The following SPAG16 variants were observed in gnomAD, a reference collection of about 807,000 sequenced individuals.
The protein encoded by SPAG16 is sperm-associated antigen 16 protein.
A neutral mutation model predicts 80.4 loss-of-function variants in SPAG16; 86 were observed. That is an observed-to-expected ratio of 1.07 (90% CI 0.90 to 1.28). The LOEUF (loss-of-function observed/expected upper bound fraction) is 1.28, where lower values mean the gene tolerates loss of function less well. SPAG16 is among the 50% of genes most tolerant of loss of function. SPAG16 has a pLI of 0.00. For synonymous variants in SPAG16, 294 were observed against 265.9 expected, an observed-to-expected ratio of 1.11 and a Z score of -1.03; for missense variants, 870 against 765.3, an observed-to-expected ratio of 1.14 and a Z score of -1.61.
At chr2:213,895,947 A>G (rs2076976451) in intron 11 of SPAG16, among the ~76,000 whole-genome samples, 1 of 152,124 alleles carries the variant, frequency 6.6e-6, no homozygotes, top group Non-Finnish European at 1.5e-5. Context: ...TGAAAAGAAA[A>G]ACCAGGATTA....
At chr2:213,372,025 A>C (rs2066667904) in intron 8 of SPAG16, among the ~76,000 whole-genome samples, 1 of 152,140 alleles carries the variant, frequency 6.6e-6, no homozygotes, top group Admixed American at 6.5e-5. Context: ...TTAAACTGAA[A>C]ATTACAGATT....
At chr2:213,507,073 T>G (rs1157797585) in intron 10 of SPAG16, among the ~76,000 whole-genome samples, 4 of 152,112 alleles carry the variant, frequency 2.6e-5, no homozygotes, top group Non-Finnish European at 5.9e-5. Context: ...TACCCCAGAG[T>G]TGAAAACTGT....
chr2:213,325,933 T>C (rs560854626), intron 5 of SPAG16, among the ~76,000 whole-genome samples: 4 of 152,138 alleles, frequency 2.6e-5, no homozygotes, highest in Admixed American at 2.0e-4. Flanking sequence ...AACTTTTGGC[T>C]CTTTAGTTAA....
In SPAG16 at chr2:213,589,421, A is replaced by G. The variant is rs146414571; in HGVS notation, c.1070+99331A>G. On this transcript the variant is annotated intron_variant, in intron 10 of 15. Transcript: ENST00000331683. ...TCAAATCAATTAGAATATTTCAATA[A>G]ACAATAAAAGTTGATTTCTAATTTC... is the stretch of plus-strand genomic sequence containing the variant. Among the ~76,000 whole-genome samples, 1,290 of 152,360 alleles carry G rather than the reference A, an allele frequency of 8.5e-3. 11 individuals are homozygous for G. Among genetic ancestry groups the G allele is most frequent in the Middle Eastern group, 0.024 (7 of 294 alleles).
At chr2:214,227,127 TA>T (rs1180760284) in intron 15 of SPAG16, among the ~76,000 whole-genome samples, 4 of 152,068 alleles carry the variant, frequency 2.6e-5, no homozygotes, top group Non-Finnish European at 4.4e-5. Context: ...AAAATTAATA[TA>T]AACTTCATGC....
chr2:214,142,634 T>C (rs1322181472), intron 14 of SPAG16, among the ~76,000 whole-genome samples: 1 of 152,186 alleles, frequency 6.6e-6, no homozygotes, highest in Non-Finnish European at 1.5e-5. Context: ...GTAGATGAAA[T>C]CTGCCCTCTG....
intron 15 of SPAG16, among the ~76,000 whole-genome samples, chr2:214,318,089 T>C (rs1055609178): frequency 6.6e-6 from 1 of 152,228 alleles, no homozygotes; most frequent in Non-Finnish European, 1.5e-5. Context: ...TGATGTAAGA[T>C]ATCAGGATCC....
intron 15 of SPAG16, among the ~76,000 whole-genome samples, chr2:214,202,910 T>A (rs560676213): frequency 6.6e-6 from 1 of 152,312 alleles, no homozygotes; most frequent in East Asian, 1.9e-4. Flanking sequence ...CCTAAGCTGT[T>A]AAAGAATATG....
rs79446022 is a variant in SPAG16 at position 213,605,909 on chromosome 2, A to G, written c.1070+115819A>G. 8.5e-3 allele frequency among the ~76,000 whole-genome samples: 1,301 copies of G among 152,324 alleles called. 9 individuals are homozygous for G. The highest frequency in any genetic ancestry group is 0.031 in the Middle Eastern group (9 of 294). Reference sequence around the variant, plus strand: ...GTATACAATTATATAAACAACTTACATCAGGATATATAATAGACCATTTAC... The same window carrying G: ...GTATACAATTATATAAACAACTTACGTCAGGATATATAATAGACCATTTAC... On this transcript the variant is annotated intron_variant, in intron 10 of 15. Transcript: ENST00000331683.
chr2:213,492,102 G>T (rs1323944636), intron 10 of SPAG16, among the ~76,000 whole-genome samples: 1 of 152,056 alleles, frequency 6.6e-6, no homozygotes, highest in Non-Finnish European at 1.5e-5. Flanking sequence ...GTGTGTGTTT[G>T]TCAGTCTCCC....
At chr2:214,279,652 C>CAA (rs1692755359) in intron 15 of SPAG16, among the ~76,000 whole-genome samples, 2 of 152,206 alleles carry the variant, frequency 1.3e-5, no homozygotes, top group Admixed American at 1.3e-4. Context: ...AAGTATTCAT[C>CAA]AGAGTACTGA....
rs556923775 is a variant in SPAG16 at position 213,328,381 on chromosome 2, C to T, written c.536+11025C>T. ...GATCCTTTTTCAAAACAATTTATCT[C>T]TTCTACACACAGCCTTTCTCTATAC... On this transcript the variant is annotated intron_variant, in intron 5 of 15. Coordinates refer to ENST00000331683, the MANE Select transcript of SPAG16 (RefSeq NM_024532.5). Among the ~76,000 whole-genome samples the T allele has an allele frequency of 8.3e-4, 127 of 152,232 alleles. 1 individual carries two copies. The highest frequency in any genetic ancestry group is 1.4e-3 in the Non-Finnish European group (98 of 67,984).
At chr2:213,379,648 C>T (rs904099534) in intron 9 of SPAG16, among the ~76,000 whole-genome samples, 1 of 152,192 alleles carries the variant, frequency 6.6e-6, no homozygotes, top group Non-Finnish European at 1.5e-5. Flanking sequence ...AACCTCTGCC[C>T]TTTCCATGAT....
chr2:213,932,040 A>T (rs530320421), intron 12 of SPAG16, among the ~76,000 whole-genome samples: 1 of 151,432 alleles, frequency 6.6e-6, no homozygotes, highest in African/African-American at 2.4e-5. Flanking sequence ...AATTTCATAG[A>T]TTACTTGAAC....
chr2:213,620,730 A>C (rs2125051216), intron 10 of SPAG16, among the ~76,000 whole-genome samples: 1 of 152,284 alleles, frequency 6.6e-6, no homozygotes, highest in East Asian at 1.9e-4. Context: ...CTGAAATATC[A>C]CTCTGTAACC....
chr2:213,860,203 T>C (rs1296381551), intron 10 of SPAG16, among the ~76,000 whole-genome samples: 1 of 151,998 alleles, frequency 6.6e-6, no homozygotes, highest in African/African-American at 2.4e-5. Context: ...TCCATAATAA[T>C]TCAAAACCAG....
At chr2:214,115,420 G>A (rs560045230) in intron 14 of SPAG16, among the ~76,000 whole-genome samples, 97 of 152,252 alleles carry the variant, frequency 6.4e-4, no homozygotes, top group Non-Finnish European at 9.4e-4. Flanking sequence ...TTCATGTTGC[G>A]TTACCATTTA....
At chr2:213,899,498 C>G (rs1458032623) in intron 11 of SPAG16, among the ~76,000 whole-genome samples, 1 of 151,942 alleles carries the variant, frequency 6.6e-6, no homozygotes, top group Non-Finnish European at 1.5e-5. Context: ...AATGAGAGAT[C>G]CGTGATTAGA....
chr2:213,972,184 G>A (rs547735474), intron 12 of SPAG16, among the ~76,000 whole-genome samples: 3 of 151,300 alleles, frequency 2.0e-5, no homozygotes, highest in East Asian at 1.9e-4. Flanking sequence ...ATGCTTATTG[G>A]CCATTTTTAA....
Sources: allele counts gnomAD v4.1 joint callset (sites outside exome capture counted in the v4.1 genomes callset), GRCh38; gene constraint gnomAD v4.1.1; transcripts MANE v1.5; gene names NCBI Gene and HGNC (gene_info 2026-07-23, HGNC 2026-07-21).